The following ADAMTS2 variants were observed in gnomAD, a reference collection of about 807,000 sequenced individuals.
The protein encoded by ADAMTS2 is A disintegrin and metalloproteinase with thrombospondin motifs 2.
In ADAMTS2, 50 loss-of-function variants were observed where a neutral mutation model predicts 123.0. The ratio of observed to expected loss-of-function variants is 0.41; its 90% CI spans 0.32 to 0.51. The LOEUF is 0.51. Ranked by LOEUF, ADAMTS2 falls within the 20% of genes least tolerant of loss-of-function variation. The pLI, the probability that ADAMTS2 is intolerant of heterozygous loss-of-function variation, is 0.35. For missense variants in ADAMTS2, 1,494 were observed against 1,705.2 expected (o/e 0.88, Z 2.18); for synonymous variants, 678 against 695.4 (o/e 0.98, Z 0.39).
rs1051986910 is a variant in ADAMTS2 at position 179,165,542 on chromosome 5, G to A, written c.976-6663C>T. Reference sequence around the variant, plus strand: ...CTGAGGGGGGGACCAGGAGTGAGCCGTAGCACCCTGGGCTCTGCAAAGGGG... The same window carrying A: ...CTGAGGGGGGGACCAGGAGTGAGCCATAGCACCCTGGGCTCTGCAAAGGGG... On this transcript the variant is annotated intron_variant, in intron 5 of 21. Transcript: ENST00000251582. Among the ~76,000 whole-genome samples, 145 of 152,258 alleles carry A rather than the reference G, an allele frequency of 9.5e-4. 2 individuals carry two copies. The highest frequency in any genetic ancestry group is 3.2e-3 in the African/African-American group (135 of 41,556).
chr5:179,337,124 T>C (rs1757633255), intron 2 of ADAMTS2, among the ~76,000 whole-genome samples: 1 of 152,198 alleles, frequency 6.6e-6, no homozygotes, highest in African/African-American at 2.4e-5. Flanking sequence ...TGATATTTAA[T>C]ATGAAACATA....
At chr5:179,168,173 C>T (rs1231007584) in intron 5 of ADAMTS2, among the ~76,000 whole-genome samples, 1 of 152,200 alleles carries the variant, frequency 6.6e-6, no homozygotes, top group East Asian at 1.9e-4. Flanking sequence ...GGATGTTGAG[C>T]ACACCCCTGG....
Position 179,330,724 on chromosome 5 carries a change from G to GC in ADAMTS2, c.534+13042dup, listed in dbSNP as rs1376212678. On this transcript the variant is annotated intron_variant, in intron 2 of 21. Coordinates refer to ENST00000251582, the MANE Select transcript of ADAMTS2 (RefSeq NM_014244.5). Reference sequence around the variant, plus strand: ...CACCACCTGCACAACCTTCCCAGCAGCCCTGCTCATCGGGCCACCCTCCCC... The same window carrying GC: ...CACCACCTGCACAACCTTCCCAGCAGCCCCTGCTCATCGGGCCACCCTCCCC... Among the ~76,000 whole-genome samples the GC allele has an allele frequency of 6.6e-5, 10 of 152,286 alleles. No homozygotes were observed. The East Asian group carries it at 1.9e-3, about 29-fold the overall frequency.
intron 4 of ADAMTS2, among the ~76,000 whole-genome samples, chr5:179,193,251 C>T (rs1764347870): frequency 1.3e-5 from 2 of 152,222 alleles, no homozygotes; most frequent in Admixed American, 1.3e-4. Flanking sequence ...GGGCTCTTCC[C>T]AGACATCATG....
At chr5:179,229,285 G>A (rs534007327) in intron 3 of ADAMTS2, among the ~76,000 whole-genome samples, 4 of 149,976 alleles carry the variant, frequency 2.7e-5, no homozygotes, top group South Asian at 2.1e-4. Flanking sequence ...CACTCCCGAC[G>A]GAGAGGTAAT....
chr5:179,203,200 C>G (rs1005277632), intron 4 of ADAMTS2, among the ~76,000 whole-genome samples: 26 of 152,216 alleles, frequency 1.7e-4, no homozygotes, highest in African/African-American at 6.3e-4. Context: ...ATCAGGGCCC[C>G]CACCAGCTCC....
intron 3 of ADAMTS2, among the ~76,000 whole-genome samples, chr5:179,239,072 A>G (rs968142926): frequency 4.6e-5 from 7 of 152,172 alleles, no homozygotes; most frequent in African/African-American, 1.7e-4. Flanking sequence ...GTACACTTTA[A>G]ATGGGTGACC....
At chr5:179,207,250 T>G (rs934084080) in intron 4 of ADAMTS2, among the ~76,000 whole-genome samples, 30 of 152,218 alleles carry the variant, frequency 2.0e-4, no homozygotes, top group Admixed American at 5.9e-4. Flanking sequence ...GACTGGAGTT[T>G]GCACAAACCC....
In ADAMTS2 at chr5:179,156,359, A is replaced by ATT. The variant is rs397967558; in HGVS notation, c.1133-1442_1133-1441dup. On this transcript the variant is annotated intron_variant, in intron 6 of 21. Transcript: ENST00000251582. ...CCTTGACTTTTTATTTCAGCTTTCG[A>ATT]TTTTTTTTTTTTTTTTTTGAGATGG... is the stretch of plus-strand genomic sequence containing the variant. Among the ~76,000 whole-genome samples the ATT allele has an allele frequency of 7.2e-3, 879 of 122,338 alleles. 14 individuals are homozygous for ATT. Among genetic ancestry groups the ATT allele is most frequent in the Admixed American group, 8.7e-3 (105 of 12,010 alleles). 80.3% of individuals were successfully genotyped at this position (122,338 alleles called of 152,430 possible). A position where few individuals can be genotyped will look rare whatever the true frequency, so the allele number is the denominator to read the frequency against.
intron 5 of ADAMTS2, among the ~76,000 whole-genome samples, chr5:179,179,352 G>C (rs9329069): frequency 0.69 from 105,136 of 151,616 alleles, 37,683 homozygotes; most frequent in African/African-American, 0.88. Context: ...CATCAGCGAA[G>C]ATGGACAAAA....
rs1561761205 is a variant in ADAMTS2 at position 179,112,558 on chromosome 5, C to T, written c.*1309G>A. On this transcript the variant is annotated 3_prime_UTR_variant, in exon 22 of 22. Transcript: ENST00000251582. ...CTCTCCCCATCTCCCACCCTAAGCC[C>T]CCATCAGAGGCCACATTTTGCAGGT... The T allele has an allele frequency of 6.6e-6, 1 of 152,258 alleles. No homozygotes were observed. Among genetic ancestry groups the T allele is most frequent in the Non-Finnish European group, 1.5e-5 (1 of 68,092 alleles). 9.4% of individuals were successfully genotyped at this position (152,258 alleles called of 1,614,324 possible). A position where few individuals can be genotyped will look rare whatever the true frequency, so the allele number is the denominator to read the frequency against.
rs34241460 is a variant in ADAMTS2, at chr5:179,199,082, C to T, written c.891+8431G>A. On this transcript the variant is annotated intron_variant, in intron 4 of 21. Transcript: ENST00000251582. Reference sequence around the variant, plus strand: ...GTTCCCTCAGGCTATGGGGTCTGAGCGCAGGGCTCAGGTTTCTGGGCTCGC... The same window carrying T: ...GTTCCCTCAGGCTATGGGGTCTGAGTGCAGGGCTCAGGTTTCTGGGCTCGC... Among the ~76,000 whole-genome samples the T allele has an allele frequency of 6.8e-3, 1,035 of 152,304 alleles. 5 individuals carry two copies. The highest frequency in any genetic ancestry group is 0.011 in the Non-Finnish European group (721 of 68,022).
At chr5:179,218,792 G>T (rs948301392) in intron 3 of ADAMTS2, among the ~76,000 whole-genome samples, 3 of 152,216 alleles carry the variant, frequency 2.0e-5, no homozygotes, top group Non-Finnish European at 4.4e-5. Context: ...GGCCTGCTCA[G>T]CCTCAGCCAT....
intron 3 of ADAMTS2, among the ~76,000 whole-genome samples, chr5:179,232,470 G>A (rs542975343): frequency 2.5e-4 from 38 of 152,358 alleles, no homozygotes; most frequent in African/African-American, 7.5e-4. Flanking sequence ...ACACTGCTCG[G>A]AAGTGTCAGA....
chr5:179,251,053 G>T (rs1329611798), intron 3 of ADAMTS2, among the ~76,000 whole-genome samples: 1 of 152,158 alleles, frequency 6.6e-6, no homozygotes, highest in African/African-American at 2.4e-5. Context: ...TCCCTCCCAG[G>T]GCTCAGCCGG....
intron 3 of ADAMTS2, among the ~76,000 whole-genome samples, chr5:179,254,498 C>A (rs989019983): frequency 6.6e-6 from 1 of 152,188 alleles, no homozygotes; most frequent in African/African-American, 2.4e-5. Flanking sequence ...CACTGGATTA[C>A]ACACTTTCAT....
intron 4 of ADAMTS2, among the ~76,000 whole-genome samples, chr5:179,193,904 G>A (rs1227889694): frequency 1.3e-5 from 2 of 152,154 alleles, no homozygotes; most frequent in East Asian, 3.9e-4. Context: ...GGGCCTCAGG[G>A]AGTGAGAGCC....
chr5:179,152,633 C>A (rs527260460), intron 9 of ADAMTS2, among the ~76,000 whole-genome samples: 40 of 152,340 alleles, frequency 2.6e-4, no homozygotes, highest in African/African-American at 9.4e-4. Flanking sequence ...GCCCTCTCTG[C>A]AGCCTCGGCC....
At chr5:179,133,868 A>G (rs1166697235) in intron 13 of ADAMTS2, among the ~76,000 whole-genome samples, 1 of 138,506 alleles carries the variant, frequency 7.2e-6, no homozygotes, top group Non-Finnish European at 1.6e-5. Context: ...AGTCCCAGCT[A>G]ATTTTTTTTT....
Sources: gnomAD v4.1 joint callset for allele counts (sites outside exome capture counted in the v4.1 genomes callset) on GRCh38, gnomAD v4.1.1 for gene constraint, MANE v1.5 for transcripts, NCBI Gene and HGNC (gene_info 2026-07-23, HGNC 2026-07-21) for gene names.